The following KIAA1755 variants were observed in gnomAD, a reference collection of about 807,000 sequenced individuals.
KIAA1755 encodes the protein uncharacterized protein KIAA1755.
Under a neutral mutation model 91.7 loss-of-function variants are expected in KIAA1755, and 68 were observed. That is an observed-to-expected ratio of 0.74 (90% CI 0.61 to 0.91). The LOEUF (loss-of-function observed/expected upper bound fraction) is 0.91, where lower values mean the gene tolerates loss of function less well. Ranked by LOEUF, KIAA1755 falls within the 40% of genes least tolerant of loss-of-function variation. The pLI, the probability that KIAA1755 is intolerant of heterozygous loss-of-function variation, is 0.00. For missense variants in KIAA1755, 1,535 were observed against 1,494.4 expected, an observed-to-expected ratio of 1.03 and a Z score of -0.45; for synonymous variants, 610 against 604.6, an observed-to-expected ratio of 1.01 and a Z score of -0.13.
intron 11 of KIAA1755, among the ~76,000 whole-genome samples, chr20:38,218,730 T>C (rs1453084850): frequency 6.6e-6 from 1 of 151,764 alleles, no homozygotes; most frequent in Admixed American, 6.6e-5. Flanking sequence ...CCTGTTCGGG[T>C]GTGTGTGTGT....
At chr20:38,227,129 A>G (rs759292828) in intron 7 of KIAA1755, 25 bp downstream of exon 7, 15 of 1,594,022 alleles carry the variant, frequency 9.4e-6, no homozygotes, top group Non-Finnish European at 1.2e-5. Context: ...CCCTTCCTCA[A>G]CCGCCGACCC....
intron 13 of KIAA1755, among the ~76,000 whole-genome samples, chr20:38,215,496 C>T (rs1007838255): frequency 6.6e-6 from 1 of 152,144 alleles, no homozygotes; most frequent in African/African-American, 2.4e-5. Flanking sequence ...GTGACAAGGA[C>T]CAGGACAACT....
rs1267538439 is a variant in KIAA1755, at chr20:38,241,719, C to T, written c.412G>A (p.Glu138Lys). Residue 138 changes from glutamate (E) to lysine (K), a missense_variant, in exon 3 of 14, where the codon GAG (glutamate) becomes AAG (lysine). Glu to Lys is a moderately conservative substitution (Grantham distance 56). Transcript: ENST00000279024. ...LCTVDKKPVP[E>K]PAYPILFTQE... ...GTGAAAAGTATAGGGTAGGCTGGCT[C>T]TGGAACAGGCTTCTTGTCCACTGTG... 3.1e-6 allele frequency: 5 copies of T among 1,614,086 alleles called. No homozygotes were observed. Among genetic ancestry groups the T allele is most frequent in the East Asian group, 2.2e-5 (1 of 44,896 alleles).
Position 38,213,535 on chromosome 20 carries a change from GC to G in KIAA1755, c.3109del (p.Ala1037ProfsTer16). On this transcript the variant is annotated frameshift_variant, in exon 14 of 14. Transcript: ENST00000279024. LOFTEE classifies it low-confidence loss of function (END_TRUNC). ...CCGGATCTCCTCATGCCTGATCCGG[GC>G]CTCCTCCCATAGCTCCTGGCCCAGG... ...AGLGQELWEEARIRHEEIRML... is the reference protein window; with the variant it reads ...AGLGQELWEEXRIRHEEIRML... 1 of 1,609,978 alleles carries G rather than the reference GC, an allele frequency of 6.2e-7. No individual in the cohort carries two copies. Among genetic ancestry groups the G allele is most frequent in the South Asian group, 1.1e-5 (1 of 90,706 alleles).
At chr20:38,216,068 T>C (rs917859439) in intron 13 of KIAA1755, among the ~76,000 whole-genome samples, 1 of 152,148 alleles carries the variant, frequency 6.6e-6, no homozygotes, top group African/African-American at 2.4e-5. Context: ...GACAATAAAA[T>C]GATACGTGAA....
At chr20:38,219,796 G>A (rs755069211) in intron 10 of KIAA1755, 28 bp from the exon 11 acceptor site, 3 of 1,613,376 alleles carry the variant, frequency 1.9e-6, no homozygotes, top group Non-Finnish European at 2.5e-6. Context: ...GTGAGAAAAG[G>A]CCTCTGTTGC....
chr20:38,235,395 AC>A (rs1306777348), intron 4 of KIAA1755, among the ~76,000 whole-genome samples: 7 of 152,178 alleles, frequency 4.6e-5, no homozygotes, highest in Admixed American at 4.6e-4. Context: ...GGCAAAAGGG[AC>A]ACTGCAGATG....
At chr20:38,238,862 G>C (rs116149614) in intron 4 of KIAA1755, among the ~76,000 whole-genome samples, 30 of 152,324 alleles carry the variant, frequency 2.0e-4, no homozygotes, top group African/African-American at 7.2e-4. Flanking sequence ...TCAGCAGGCA[G>C]AGAACCCATC....
intron 8 of KIAA1755, among the ~76,000 whole-genome samples, chr20:38,224,924 G>A (rs1001297678): frequency 6.6e-6 from 1 of 152,196 alleles, no homozygotes; most frequent in African/African-American, 2.4e-5. Flanking sequence ...TCTTATAGGA[G>A]GGAACCAGAC....
chr20:38,217,884 G>A lies in KIAA1755; in HGVS notation c.2679+360C>T, dbSNP rs577165199. ...CCTGAGAATTCCTGAGCGCTGATAC[G>A]GGGCTGAATCACCCTGTGGTCCAGA... On this transcript the variant is annotated intron_variant, in intron 12 of 13. Transcript: ENST00000279024. 77 of 391,170 alleles carry A rather than the reference G, an allele frequency of 2.0e-4. No homozygotes were observed. In the South Asian group the frequency reaches 2.3e-3, roughly 12 times the overall value. 24.2% of individuals were successfully genotyped at this position (391,170 alleles called of 1,614,324 possible). A position where few individuals can be genotyped will look rare whatever the true frequency, so the allele number is the denominator to read the frequency against.
chr20:38,240,710 G>A lies in KIAA1755; in HGVS notation c.1421C>T (p.Ser474Leu), dbSNP rs561609091. 20 of 1,567,482 alleles carry A rather than the reference G, an allele frequency of 1.3e-5. No individual in the cohort carries two copies. Among genetic ancestry groups the A allele is most frequent in the African/African-American group, 2.7e-5 (2 of 73,396 alleles). Residue 474 changes from serine (S) to leucine (L), a missense_variant, in exon 3 of 14, where the codon TCA becomes TTA. Ser to Leu is a moderately radical substitution (Grantham distance 145). Transcript: ENST00000279024. ...GGGTTGCCTCTGCCCTCTCAAGAAT[G>A]AGAATTTGAGCCCAGGAGTGGGGGG... ...PEPPTPGLKF[S>L]FLRGQRQPSV... is the part of the protein sequence containing the mutation.
At chr20:38,235,585 C>T (rs2075946592) in intron 4 of KIAA1755, among the ~76,000 whole-genome samples, 1 of 152,074 alleles carries the variant, frequency 6.6e-6, no homozygotes, top group Admixed American at 6.6e-5. Flanking sequence ...GGCCACAAGC[C>T]AAGGAAAGTA....
chr20:38,248,067 A>C (rs2076187540), intron 1 of KIAA1755, among the ~76,000 whole-genome samples: 1 of 152,134 alleles, frequency 6.6e-6, no homozygotes, highest in Non-Finnish European at 1.5e-5. Context: ...ATCTTTACTA[A>C]AAATACAAAA....
chr20:38,251,685 C>T (rs2076252062), intron 1 of KIAA1755, among the ~76,000 whole-genome samples: 1 of 151,912 alleles, frequency 6.6e-6, no homozygotes, highest in South Asian at 2.1e-4. Flanking sequence ...TCTGCTTCAG[C>T]CTCCCATGTA....
chr20:38,239,784 G>A, intron 3 of KIAA1755, 59 bp from the exon 4 acceptor site: 2 of 1,435,144 alleles, frequency 1.4e-6, no homozygotes, highest in South Asian at 2.3e-5. Context: ...TTTCTAAGGG[G>A]AAAACGTCTC....
chr20:38,219,699 A>G lies in KIAA1755; in HGVS notation c.2487T>C (p.Ala829=). Residue 829 remains alanine, a synonymous_variant, in exon 11 of 14, where the codon GCT becomes GCC. Coordinates refer to ENST00000279024, the MANE Select transcript of KIAA1755 (RefSeq NM_001029864.2). The part of the protein sequence containing the change: ...VDEQLHVLVT[A]SNSLLGKLEL... The stretch of plus-strand genomic sequence containing the variant: ...CCAGCTTCCCCAGGAGGCTGTTGGA[A>G]GCGGTGACCAGAACATGAAGCTGCT... 6.2e-7 allele frequency: 1 copy of G among 1,614,110 alleles called. No homozygotes were observed. The highest frequency in any genetic ancestry group is 8.5e-7 in the Non-Finnish European group (1 of 1,179,992).
In KIAA1755 at chr20:38,247,608, C is replaced by A. The variant is rs79727681; in HGVS notation, c.4-1482G>T. The stretch of plus-strand genomic sequence containing the variant: ...TAATGGGTAGAATGACCTCCAATGA[C>A]GCCCTCATCCTAATCTCTGGAACCT... On this transcript the variant is annotated intron_variant, in intron 1 of 13. Coordinates refer to ENST00000279024, the MANE Select transcript of KIAA1755 (RefSeq NM_001029864.2). Among the ~76,000 whole-genome samples, 255 of 152,326 alleles carry A rather than the reference C, an allele frequency of 1.7e-3. 1 individual carries two copies. Among genetic ancestry groups the A allele is most frequent in the African/African-American group, 5.7e-3 (236 of 41,566 alleles).
Position 38,239,657 on chromosome 20 carries a change from C to A in KIAA1755, c.1618G>T (p.Ala540Ser), listed in dbSNP as rs1428610184. 2 of 1,606,756 alleles carry A rather than the reference C, an allele frequency of 1.2e-6. No homozygotes were observed. The highest frequency in any genetic ancestry group is 1.7e-6 in the Non-Finnish European group (2 of 1,177,468). ...GAGCCTGCAGAAGCTTCTGGCAAGGCAGCCTTTTCCTCAGTCAGTGGGCTG... is the reference window on the plus strand; with the variant it reads ...GAGCCTGCAGAAGCTTCTGGCAAGGAAGCCTTTTCCTCAGTCAGTGGGCTG... ...APSPLTEEKA[A>S]LPEASAGSPE... The change falls in exon 4 of 14, where the codon GCC (alanine) becomes TCC (serine). Residue 540 changes from alanine to serine, a missense_variant. Transcript: ENST00000279024.
At chr20:38,220,827 G>A (rs929174448) in intron 10 of KIAA1755, among the ~76,000 whole-genome samples, 1 of 152,206 alleles carries the variant, frequency 6.6e-6, no homozygotes, top group Non-Finnish European at 1.5e-5. Context: ...TCAAGGGAGG[G>A]GAATCGACTT....
Sources: gnomAD v4.1 joint callset for allele counts (sites outside exome capture counted in the v4.1 genomes callset) on GRCh38, gnomAD v4.1.1 for gene constraint, MANE v1.5 for transcripts, NCBI Gene and HGNC (gene_info 2026-07-23, HGNC 2026-07-21) for gene names.